C2: variants seen among roughly 807,000 people sequenced by gnomAD.
C2 encodes the protein C3/C5 convertase.
In C2, 64 loss-of-function variants were observed where a neutral mutation model predicts 85.2. That is an observed-to-expected ratio of 0.75 (90% CI 0.61 to 0.92). C2 has a LOEUF of 0.92. C2 is among the 40% of genes least tolerant of loss of function. The probability of loss-of-function intolerance (pLI) is 0.00; values close to 1 mark genes in which losing one functional copy is unlikely to be tolerated. For missense variants in C2, 820 were observed against 971.6 expected (o/e 0.84, Z 2.07); for synonymous variants, 311 against 370.8 (o/e 0.84, Z 1.85).
Position 31,945,115 on chromosome 6 carries a change from G to A in C2, c.2080-63G>A. 3.7e-6 allele frequency: 6 copies of A among 1,609,742 alleles called. No individual in the cohort carries two copies. Among genetic ancestry groups the A allele is most frequent in the Non-Finnish European group, 5.1e-6 (6 of 1,177,142 alleles). On this transcript the variant is annotated intron_variant, in intron 17 of 17. Coordinates refer to ENST00000299367, the MANE Select transcript of C2 (RefSeq NM_000063.6). This position sits in a 1 kb window ranked among gnomAD's most constrained non-coding sequence, Gnocchi z 5.3. ...TGAGGGAGGCCTTTGAGGGATCTAG[G>A]GAGGTTGGGGCTTACAGTTGGGGCT...
At chr6:31,917,632 G>T (rs1201186216), upstream of C2, among the ~76,000 whole-genome samples, 1 of 152,052 alleles carries the variant, frequency 6.6e-6, no homozygotes, top group Non-Finnish European at 1.5e-5. Context: ...AAGGCCAGGC[G>T]CGGTGGCTCA....
At chr6:31,900,374 A>AGGCTGCCCCCCGCCCCCC, upstream of C2, 2 of 1,405,036 alleles carry the variant, frequency 1.4e-6, no homozygotes, top group Non-Finnish European at 9.6e-7. This position sits in a 1 kb window ranked among gnomAD's most constrained non-coding sequence, Gnocchi z 9.7. Context: ...CCCCGCCCCC[A>AGGCTGCCCCCCGCCCCCC]GGCTGCCCCC....
At chr6:31,914,992 A>G (rs1768402256), upstream of C2, among the ~76,000 whole-genome samples, 1 of 152,164 alleles carries the variant, frequency 6.6e-6, no homozygotes, top group African/African-American at 2.4e-5. Flanking sequence ...TCTGAGAGTC[A>G]GAGGAGGGCT....
intron 3 of C2, among the ~76,000 whole-genome samples, chr6:31,931,988 G>T (rs1769824816): frequency 7.4e-6 from 1 of 135,390 alleles, no homozygotes; most frequent in Non-Finnish European, 1.6e-5. Flanking sequence ...GCCGGGCGGG[G>T]GGCTGACCCC....
rs1771325324 is a variant in C2 at position 31,945,473 on chromosome 6, C to T, written c.*116C>T. 6 of 1,051,472 alleles carry T rather than the reference C, an allele frequency of 5.7e-6. No individual in the cohort carries two copies. The highest frequency in any genetic ancestry group is 3.9e-5 in the South Asian group (3 of 77,540). 65.1% of individuals were successfully genotyped at this position (1,051,472 alleles called of 1,614,324 possible). A position where few individuals can be genotyped will look rare whatever the true frequency, so the allele number is the denominator to read the frequency against. On this transcript the variant is annotated 3_prime_UTR_variant, in exon 18 of 18. Transcript: ENST00000299367. The surrounding 1 kb of genome is among the most constrained non-coding windows in gnomAD (Gnocchi z 5.3). ...ATCCTCTCTCCTAGCTGAGTAAATC[C>T]GGGTCTCTAGGATGCCAGAGGCAGC... is the stretch of plus-strand genomic sequence containing the variant.
Position 31,933,677 on chromosome 6 carries a change from G to A in C2, c.510G>A (p.Gly170=), listed in dbSNP as rs145498899. ...GGACAGGCTTCCGCTTTGGTCATGG[G>A]GACAAGGTCCGCTATCGCTGCTCCT... is the stretch of plus-strand genomic sequence containing the variant. ...AVRTGFRFGH[G]DKVRYRCSSN... Residue 170 remains glycine (G), a synonymous_variant, in exon 4 of 18, where the codon GGG becomes GGA. Transcript: ENST00000299367. 1 of 1,613,168 alleles carries A rather than the reference G, an allele frequency of 6.2e-7. No homozygotes were observed. Among genetic ancestry groups the A allele is most frequent in the Non-Finnish European group, 8.5e-7 (1 of 1,180,046 alleles).
chr6:31,907,747 G>A (rs1220293826), intron 1 of C2, among the ~76,000 whole-genome samples: 2 of 150,900 alleles, frequency 1.3e-5, no homozygotes, highest in East Asian at 3.9e-4. Flanking sequence ...GCACAATCTC[G>A]GCTTACTGCA....
At chr6:31,938,554 C>T (rs796116525) in intron 8 of C2, among the ~76,000 whole-genome samples, 10 of 150,770 alleles carry the variant, frequency 6.6e-5, no homozygotes, top group African/African-American at 1.7e-4. Flanking sequence ...TACAGTGGTG[C>T]GATCTCGGCT....
chr6:31,937,766 G>A (rs1770549553), intron 8 of C2, among the ~76,000 whole-genome samples: 1 of 151,200 alleles, frequency 6.6e-6, no homozygotes, highest in Admixed American at 6.6e-5. Flanking sequence ...ACTTTGGGAG[G>A]CCAAAGCGGG....
At chr6:31,934,529 A>G in intron 6 of C2, 1 of 1,346,208 alleles carries the variant, frequency 7.4e-7, no homozygotes, top group Non-Finnish European at 1.0e-6. Flanking sequence ...AAAGATGGAA[A>G]GGCTGAGGTC....
At chr6:31,915,994 G>T (rs1768478489), upstream of C2, among the ~76,000 whole-genome samples, 1 of 152,242 alleles carries the variant, frequency 6.6e-6, no homozygotes, top group Non-Finnish European at 1.5e-5. Context: ...AGCAGTTTGT[G>T]CTCCAGGAAT....
chr6:31,934,353 T>C, intron 6 of C2, 54 bp downstream of exon 6: 1 of 1,612,148 alleles, frequency 6.2e-7, no homozygotes, highest in East Asian at 2.2e-5. Context: ...TCACTATCTC[T>C]CTCTGTCTCC....
upstream of C2, chr6:31,919,908 T>C (rs559953648): frequency 1.3e-5 from 2 of 152,364 alleles, no homozygotes; most frequent in South Asian, 4.1e-4. Flanking sequence ...AATATCCTGG[T>C]ACCTTTTATA....
intron 8 of C2, 95 bp from the exon 9 acceptor site, chr6:31,939,136 T>C (rs565992722): frequency 1.2e-6 from 1 of 866,122 alleles, no homozygotes; most frequent in Admixed American, 1.7e-5. Context: ...GCAATGTAAA[T>C]GTTGAGGTTC....
upstream of C2, chr6:31,897,811 G>C (rs893149827): frequency 1.4e-5 from 14 of 1,007,208 alleles, no homozygotes; most frequent in Non-Finnish European, 1.4e-5. Context: ...CGGCCTCGGA[G>C]ATGGCTGTGA....
At position 31,928,130 on chromosome 6, in the gene C2, A is replaced by G; in HGVS notation, c.222A>G (p.Gly74=). 1 of 1,612,790 alleles carries G rather than the reference A, an allele frequency of 6.2e-7. No individual in the cohort carries two copies. The highest frequency in any genetic ancestry group is 8.5e-7 in the Non-Finnish European group (1 of 1,179,926). ...GCAGCGGACAGTGGCAGACCCCAGG[A>G]GCCACCCGGTCTCTGTCTAAGGCGG... ...CKSSGQWQTP[G]ATRSLSKAVC... Residue 74 remains glycine (G), a synonymous_variant, in exon 2 of 18, where the codon GGA becomes GGG. Transcript: ENST00000299367.
At chr6:31,906,476 C>A (rs1013837656) in intron 1 of C2, among the ~76,000 whole-genome samples, 1 of 151,928 alleles carries the variant, frequency 6.6e-6, no homozygotes, top group African/African-American at 2.4e-5. Context: ...CCTTTGCCAT[C>A]GTCCAAGTCC....
intron 3 of C2, among the ~76,000 whole-genome samples, chr6:31,931,852 G>A (rs1213236780): frequency 1.3e-5 from 2 of 151,236 alleles, no homozygotes; most frequent in African/African-American, 2.4e-5. Flanking sequence ...GGGCAGAGGC[G>A]CCCCTCACCT....
chr6:31,914,926 A>G (rs959715935), intron 1 of C2, among the ~76,000 whole-genome samples: 2 of 152,062 alleles, frequency 1.3e-5, no homozygotes, highest in African/African-American at 4.8e-5. Context: ...AACAACAACA[A>G]CAACAAAAAC....
Sources: gnomAD v4.1 joint callset for allele counts (sites outside exome capture counted in the v4.1 genomes callset) on GRCh38, gnomAD v4.1.1 for gene constraint, Gnocchi (gnomAD v3.1) non-coding constraint, MANE v1.5 for transcripts, NCBI Gene and HGNC (gene_info 2026-07-23, HGNC 2026-07-21) for gene names.